Variants in KAT6A observed in about 807,000 individuals in gnomAD.
The protein encoded by KAT6A is lysine acetyltransferase 6A.
In KAT6A, 9 loss-of-function variants were observed where a neutral mutation model predicts 198.4. The observed-to-expected ratio is 0.05, with a 90% confidence interval of 0.03 to 0.08. The LOEUF is 0.08. KAT6A is among the 10% of genes least tolerant of loss of function. KAT6A has a pLI of 1.00. For synonymous variants in KAT6A, 890 were observed against 883.0 expected (o/e 1.01, Z -0.14); for missense variants, 2,077 against 2,509.9 (o/e 0.83, Z 3.69).
Position 41,940,847 on chromosome 8 carries a change from G to T in KAT6A, c.3034C>A (p.Arg1012=), listed in dbSNP as rs768856558. Reference sequence around the variant, plus strand: ...CCTGGAAAGAAATGCGTTACCTTTCGCTTCAGCGTGGGCTTTGTGAGAATT... The same window carrying T: ...CCTGGAAAGAAATGCGTTACCTTTCTCTTCAGCGTGGGCTTTGTGAGAATT... ...PPILTKPTLK[R]KKPFLHRRRR... The change falls in exon 15 of 17, where the codon CGA becomes AGA. Residue 1012 remains arginine, a synonymous_variant. Transcript: ENST00000265713. 3.1e-6 allele frequency: 5 copies of T among 1,606,188 alleles called. No homozygotes were observed. The East Asian group carries it at 1.1e-4, about 36-fold the overall frequency.
intron 2 of KAT6A, among the ~76,000 whole-genome samples, chr8:42,006,199 A>G (rs1022984193): frequency 2.6e-5 from 4 of 152,198 alleles, no homozygotes; most frequent in Non-Finnish European, 4.4e-5. Flanking sequence ...CCTTGTCTGC[A>G]CCTAGGACAG....
intron 5 of KAT6A, among the ~76,000 whole-genome samples, chr8:41,979,334 G>A (rs1168426709): frequency 6.6e-6 from 1 of 152,148 alleles, no homozygotes; most frequent in South Asian, 2.1e-4. Flanking sequence ...ACACAAGAAA[G>A]GAGTCCTAAG....
intron 2 of KAT6A, among the ~76,000 whole-genome samples, chr8:42,012,345 T>C (rs964377343): frequency 6.6e-6 from 1 of 152,228 alleles, no homozygotes; most frequent in East Asian, 1.9e-4. Context: ...AGGATAATTT[T>C]ATTTGGGAAA....
chr8:42,005,814 CCCATCCAT>C (rs561170396), intron 2 of KAT6A, among the ~76,000 whole-genome samples: 1 of 143,040 alleles, frequency 7.0e-6, no homozygotes, highest in African/African-American at 2.6e-5. Flanking sequence ...TCTCTTTCTC[CCCATCCAT>C]CCATCCATCC....
intron 1 of KAT6A, among the ~76,000 whole-genome samples, chr8:42,050,975 T>C (rs2150934265): frequency 6.6e-6 from 1 of 152,232 alleles, no homozygotes; most frequent in East Asian, 1.9e-4. Context: ...CCTAAACACG[T>C]CTTCGCGCTC....
chr8:41,949,097 T>C (rs1822541874), intron 10 of KAT6A, 125 bp downstream of exon 10: 7 of 551,128 alleles, frequency 1.3e-5, no homozygotes, highest in African/African-American at 2.0e-5. Flanking sequence ...TTAAAAATTA[T>C]AATTAGTACT....
Position 41,931,247 on chromosome 8 carries a change from A to G in KAT6A, c.*958T>C, listed in dbSNP as rs995130840. The G allele has an allele frequency of 4.5e-6, 1 of 220,850 alleles. No homozygotes were observed. Among genetic ancestry groups the G allele is most frequent in the Non-Finnish European group, 9.1e-6 (1 of 110,106 alleles). 13.7% of individuals were successfully genotyped at this position (220,850 alleles called of 1,614,324 possible). A position where few individuals can be genotyped will look rare whatever the true frequency, so the allele number is the denominator to read the frequency against. ...CCTCAGTTAGCATTTCAAAGTACAT[A>G]CTAGAAACAAGAGGCTGGGTGGCGT... On this transcript the variant is annotated 3_prime_UTR_variant, in exon 17 of 17. Coordinates refer to ENST00000265713, the MANE Select transcript of KAT6A (RefSeq NM_006766.5).
At chr8:42,009,195 T>C (rs1825892198) in intron 2 of KAT6A, among the ~76,000 whole-genome samples, 1 of 152,176 alleles carries the variant, frequency 6.6e-6, no homozygotes, top group Non-Finnish European at 1.5e-5. Context: ...CTACAATGTG[T>C]CTCTTTCCTT....
At chr8:41,988,106 T>G (rs927988436) in intron 2 of KAT6A, among the ~76,000 whole-genome samples, 2 of 152,236 alleles carry the variant, frequency 1.3e-5, no homozygotes, top group African/African-American at 4.8e-5. Context: ...TATTATGTTT[T>G]GGGATCTTTA....
chr8:41,990,957 T>C (rs1018790279), intron 2 of KAT6A, among the ~76,000 whole-genome samples: 16 of 130,654 alleles, frequency 1.2e-4, no homozygotes, highest in Admixed American at 1.1e-3. Context: ...ATTGTGCCAT[T>C]GCACTCCAGC....
chr8:41,963,878 C>T (rs530940790), intron 8 of KAT6A, among the ~76,000 whole-genome samples: 3 of 152,216 alleles, frequency 2.0e-5, no homozygotes, highest in East Asian at 3.9e-4. Context: ...CAACCAACTG[C>T]ACACAGCTCC....
At chr8:41,969,503 C>T (rs1823670269) in intron 8 of KAT6A, among the ~76,000 whole-genome samples, 1 of 152,118 alleles carries the variant, frequency 6.6e-6, no homozygotes, top group Admixed American at 6.6e-5. Context: ...CTAAATCCAT[C>T]CACTTCTCTC....
In KAT6A at chr8:41,929,776, A is replaced by G. The variant is rs2939983; in HGVS notation, c.*2429T>C. 76 of 193,714 alleles carry G rather than the reference A, an allele frequency of 3.9e-4. No homozygotes were observed. Among genetic ancestry groups the G allele is most frequent in the Non-Finnish European group, 6.8e-4 (63 of 92,886 alleles). 12.0% of individuals were successfully genotyped at this position (193,714 alleles called of 1,614,324 possible). A position where few individuals can be genotyped will look rare whatever the true frequency, so the allele number is the denominator to read the frequency against. On this transcript the variant is annotated 3_prime_UTR_variant, in exon 17 of 17. Coordinates refer to ENST00000265713, the MANE Select transcript of KAT6A (RefSeq NM_006766.5). The stretch of plus-strand genomic sequence containing the variant: ...GGCTTTTAGAGGCATCTGGAGCTCT[A>G]TTCACACACGCTAGAGATCTCTTTA...
intron 16 of KAT6A, 128 bp downstream of exon 16, chr8:41,937,128 C>T: frequency 3.0e-6 from 2 of 673,580 alleles, no homozygotes; most frequent in Non-Finnish European, 5.0e-6. Context: ...TTAGAGATTG[C>T]CAAACGTTCC....
intron 2 of KAT6A, among the ~76,000 whole-genome samples, chr8:42,026,731 C>T (rs901291329): frequency 6.6e-6 from 1 of 152,172 alleles, no homozygotes; most frequent in Admixed American, 6.5e-5. Flanking sequence ...CTGACTTCCT[C>T]TTTTCCAATC....
intron 2 of KAT6A, among the ~76,000 whole-genome samples, chr8:41,996,844 A>C (rs1188919436): frequency 1.3e-5 from 2 of 152,198 alleles, no homozygotes; most frequent in Non-Finnish European, 2.9e-5. Flanking sequence ...CAGAAAACAG[A>C]CTAAGGCATA....
At chr8:42,007,525 T>G (rs1258787172) in intron 2 of KAT6A, among the ~76,000 whole-genome samples, 1 of 152,150 alleles carries the variant, frequency 6.6e-6, no homozygotes, top group Admixed American at 6.5e-5. Context: ...AGCAGTTACT[T>G]AAGAAATGTG....
chr8:41,954,975 T>C (rs1384231217), intron 9 of KAT6A, among the ~76,000 whole-genome samples: 2 of 152,286 alleles, frequency 1.3e-5, no homozygotes, highest in African/African-American at 4.8e-5. Flanking sequence ...ATATGAGTTC[T>C]TCTCTTTTTC....
chr8:42,018,590 C>A (rs931634628), intron 2 of KAT6A, among the ~76,000 whole-genome samples: 2 of 152,080 alleles, frequency 1.3e-5, no homozygotes, highest in Non-Finnish European at 2.9e-5. Context: ...CTGTTAAGGC[C>A]AGAAAATTAT....
Sources: allele counts gnomAD v4.1 joint callset (sites outside exome capture counted in the v4.1 genomes callset), GRCh38; gene constraint gnomAD v4.1.1; transcripts MANE v1.5; gene names NCBI Gene and HGNC (gene_info 2026-07-23, HGNC 2026-07-21).